Variants in LYPD6 observed in about 807,000 individuals in gnomAD.
LYPD6 encodes LY6/PLAUR domain containing 6, also known as ly6/PLAUR domain-containing protein 6.
LYPD6 carries 15 observed loss-of-function variants against 22.7 expected under a neutral mutation model. The observed-to-expected ratio is 0.66, with a 90% confidence interval of 0.44 to 1.02. LYPD6 has a LOEUF of 1.02. LYPD6 is among the 50% of genes least tolerant of loss of function. The pLI is 0.00. For missense variants in LYPD6, 189 were observed against 208.4 expected (o/e 0.91, Z 0.57); for synonymous variants, 72 against 77.5 (o/e 0.93, Z 0.37).
intron 1 of LYPD6, among the ~76,000 whole-genome samples, chr2:149,414,466 A>G (rs1041740118): frequency 3.3e-5 from 5 of 152,212 alleles, no homozygotes; most frequent in African/African-American, 1.2e-4. Flanking sequence ...AGATGGTACT[A>G]TTCTTTGAAA....
intron 1 of LYPD6, among the ~76,000 whole-genome samples, chr2:149,347,722 C>T (rs1681283356): frequency 6.6e-6 from 1 of 152,088 alleles, no homozygotes; most frequent in Non-Finnish European, 1.5e-5. Context: ...ATTGTTCATA[C>T]TTGAACAGAG....
intron 1 of LYPD6, among the ~76,000 whole-genome samples, chr2:149,331,590 C>A (rs927090561): frequency 6.6e-6 from 1 of 151,834 alleles, no homozygotes; most frequent in Admixed American, 6.5e-5. Context: ...AATCACATCC[C>A]GTTTCCTAGA....
the LYPD6 span, among the ~76,000 whole-genome samples, chr2:149,479,207 T>C: frequency 2.6e-5 from 4 of 152,302 alleles, no homozygotes; most frequent in East Asian, 5.8e-4. Context: ...TTGGCTTCCA[T>C]GAACCACCCA....
At chr2:149,374,117 G>A (rs1681867084) in intron 1 of LYPD6, among the ~76,000 whole-genome samples, 2 of 152,170 alleles carry the variant, frequency 1.3e-5, no homozygotes, top group South Asian at 4.1e-4. Context: ...TATCCTTGGA[G>A]GCTAAATGGC....
At chr2:149,433,581 G>T (rs2105145747) in intron 1 of LYPD6, among the ~76,000 whole-genome samples, 1 of 152,320 alleles carries the variant, frequency 6.6e-6, no homozygotes, top group South Asian at 2.1e-4. Context: ...ATAGCTTCAA[G>T]CAGCAATTGT....
intron 1 of LYPD6, among the ~76,000 whole-genome samples, chr2:149,332,199 T>A (rs1680952903): frequency 6.6e-6 from 1 of 152,248 alleles, no homozygotes; most frequent in African/African-American, 2.4e-5. Context: ...AGAGGCTTCC[T>A]TGTTTAAATA....
chr2:149,457,724 T>C (rs998850044), intron 3 of LYPD6, among the ~76,000 whole-genome samples: 2 of 152,136 alleles, frequency 1.3e-5, no homozygotes, highest in African/African-American at 4.8e-5. Flanking sequence ...TCTGGAAAGA[T>C]GGAATGGATG....
chr2:149,389,052 A>G (rs1559134401), intron 1 of LYPD6, among the ~76,000 whole-genome samples: 1 of 152,154 alleles, frequency 6.6e-6, no homozygotes, highest in Non-Finnish European at 1.5e-5. Context: ...ATAGGATTTA[A>G]AGGTCAATTA....
chr2:149,365,692 T>C (rs1681647586), intron 1 of LYPD6, among the ~76,000 whole-genome samples: 1 of 151,934 alleles, frequency 6.6e-6, no homozygotes, highest in Admixed American at 6.6e-5. Flanking sequence ...TGAGAAAAAT[T>C]AAATATTAAA....
chr2:149,356,793 A>G (rs894029514), intron 1 of LYPD6, among the ~76,000 whole-genome samples: 2 of 152,308 alleles, frequency 1.3e-5, no homozygotes, highest in South Asian at 2.1e-4. Context: ...GGATGAGTGG[A>G]TCAGTGGAGT....
At chr2:149,382,937 A>G (rs552748729) in intron 1 of LYPD6, among the ~76,000 whole-genome samples, 1 of 152,148 alleles carries the variant, frequency 6.6e-6, no homozygotes, top group Non-Finnish European at 1.5e-5. Context: ...ATCTCTTACA[A>G]TACTCTCCAA....
intron 1 of LYPD6, among the ~76,000 whole-genome samples, chr2:149,405,747 G>C (rs1365585794): frequency 2.2e-4 from 33 of 151,628 alleles, no homozygotes; most frequent in Middle Eastern, 3.4e-3. Context: ...GTTCTGCTCT[G>C]ATTTTAGTTA....
chr2:149,441,327 G>A (rs1031357457), intron 2 of LYPD6, among the ~76,000 whole-genome samples: 3 of 152,126 alleles, frequency 2.0e-5, no homozygotes, highest in Non-Finnish European at 4.4e-5. Flanking sequence ...CATGAAGCTC[G>A]GAACCTGCTG....
rs72863917 is a variant in LYPD6 at position 149,373,463 on chromosome 2, C to T, written c.-72+42741C>T. On this transcript the variant is annotated intron_variant, in intron 1 of 4. Coordinates refer to ENST00000334166, the MANE Select transcript of LYPD6 (RefSeq NM_194317.5). ...CCAGGACTGTGTCCTGAGAAATTGC[C>T]ACATTTAGAGGTCAGGTAGGGGAGG... Among the ~76,000 whole-genome samples, 1,440 of 152,054 alleles carry T rather than the reference C, an allele frequency of 9.5e-3. 12 individuals are homozygous for T. Among genetic ancestry groups the T allele is most frequent in the Non-Finnish European group, 0.014 (971 of 67,988 alleles).
At chr2:149,336,362 G>T (rs991742023) in intron 1 of LYPD6, among the ~76,000 whole-genome samples, 7 of 152,102 alleles carry the variant, frequency 4.6e-5, no homozygotes, top group African/African-American at 1.7e-4. Flanking sequence ...AAGTCAAAAT[G>T]GAAGATTGAA....
chr2:149,387,509 G>T (rs1682214086), intron 1 of LYPD6, among the ~76,000 whole-genome samples: 1 of 152,158 alleles, frequency 6.6e-6, no homozygotes, highest in Non-Finnish European at 1.5e-5. Context: ...TTTACTTCAT[G>T]GGAAGTGCTG....
chr2:149,330,858 T>A (rs1463983479), intron 1 of LYPD6, 136 bp downstream of exon 1: 8 of 152,442 alleles, frequency 5.2e-5, no homozygotes, highest in South Asian at 2.1e-4. Context: ...GGCAGTCCCC[T>A]GGGGCCAGAG....
chr2:149,455,820 C>T (rs954241264), intron 3 of LYPD6, among the ~76,000 whole-genome samples: 9 of 152,160 alleles, frequency 5.9e-5, no homozygotes, highest in African/African-American at 2.2e-4. Flanking sequence ...GTAATAAGTA[C>T]ATTGCCTTCT....
chr2:149,453,960 G>A (rs1261726974), intron 3 of LYPD6, among the ~76,000 whole-genome samples: 2 of 152,092 alleles, frequency 1.3e-5, no homozygotes, highest in Non-Finnish European at 2.9e-5. Flanking sequence ...CTTTCCCTAG[G>A]ATAGAGAAAT....
Sources: allele counts gnomAD v4.1 joint callset (sites outside exome capture counted in the v4.1 genomes callset), GRCh38; gene constraint gnomAD v4.1.1; transcripts MANE v1.5; gene names NCBI Gene and HGNC (gene_info 2026-07-23, HGNC 2026-07-21).